The following HERC1 variants were observed in gnomAD, a reference collection of about 807,000 sequenced individuals.
HERC1 encodes the protein probable E3 ubiquitin-protein ligase HERC1.
A neutral mutation model predicts 554.3 loss-of-function variants in HERC1; 160 were observed. The observed-to-expected ratio is 0.29, with a 90% CI of 0.25 to 0.33. HERC1 has a LOEUF of 0.33. Ranked by LOEUF, HERC1 falls within the 10% of genes least tolerant of loss-of-function variation. The pLI is 1.00. For synonymous variants in HERC1, 2,175 were observed against 2,131.7 expected, an observed-to-expected ratio of 1.02 and a Z score of -0.56; for missense variants, 4,919 against 5,918.5, an observed-to-expected ratio of 0.83 and a Z score of 5.54.
rs111747044 is a variant in HERC1 at position 63,691,237 on chromosome 15, G to A, written c.5831-590C>T. Among the ~76,000 whole-genome samples the A allele has an allele frequency of 7.4e-3, 1,128 of 152,180 alleles. 18 individuals are homozygous for A. The highest frequency in any genetic ancestry group is 0.026 in the African/African-American group (1,079 of 41,534). On this transcript the variant is annotated intron_variant, in intron 31 of 77. Transcript: ENST00000443617. ...TCCCAGCACTTTGGGAGGCTGAGGC[G>A]GGCAGATCACTTAAGGCCAGGAGTT... is the stretch of plus-strand genomic sequence containing the variant.
At chr15:63,787,619 G>A (rs2076499742) in intron 1 of HERC1, among the ~76,000 whole-genome samples, 1 of 152,046 alleles carries the variant, frequency 6.6e-6, no homozygotes, top group Non-Finnish European at 1.5e-5. Context: ...CTATTATAGA[G>A]CCAGACTCGG....
At chr15:63,741,330 CTT>C (rs368294960) in intron 12 of HERC1, among the ~76,000 whole-genome samples, 1 of 138,288 alleles carries the variant, frequency 7.2e-6, no homozygotes, top group African/African-American at 2.6e-5. Context: ...CCGGGCCCAT[CTT>C]TTTTTTTTTG....
chr15:63,649,350 T>TCAAAA lies in HERC1; in HGVS notation c.10747+370_10747+374dup, dbSNP rs373139298. On this transcript the variant is annotated intron_variant, in intron 54 of 77. Transcript: ENST00000443617. The stretch of plus-strand genomic sequence containing the variant: ...CCTGGTGACAGAGCGAGACTCCTTC[T>TCAAAA]CAAAACAAAACAAAACAAAACACAC... Among the ~76,000 whole-genome samples, 39 of 152,068 alleles carry TCAAAA rather than the reference T, an allele frequency of 2.6e-4. No homozygotes were observed. The East Asian group carries it at 4.6e-3, about 18-fold the overall frequency.
chr15:63,824,849 A>G (rs1285337581), intron 1 of HERC1, among the ~76,000 whole-genome samples: 1 of 152,132 alleles, frequency 6.6e-6, no homozygotes, highest in Non-Finnish European at 1.5e-5. Context: ...CGTAGGAAAA[A>G]AAAAAAACAC....
intron 2 of HERC1, among the ~76,000 whole-genome samples, chr15:63,769,028 G>A (rs2075869333): frequency 6.6e-6 from 1 of 152,136 alleles, no homozygotes; most frequent in African/African-American, 2.4e-5. Flanking sequence ...CACAAACACT[G>A]TAATGACTGT....
intron 1 of HERC1, among the ~76,000 whole-genome samples, chr15:63,831,038 C>G (rs993723452): frequency 3.3e-5 from 5 of 152,198 alleles, no homozygotes; most frequent in African/African-American, 1.2e-4. Flanking sequence ...ATCTGCAATA[C>G]ATGCTCACAA....
At chr15:63,627,752 A>G (rs745920362) in intron 70 of HERC1, among the ~76,000 whole-genome samples, 2 of 152,164 alleles carry the variant, frequency 1.3e-5, no homozygotes, top group Non-Finnish European at 2.9e-5. Flanking sequence ...TTAAGGTAAC[A>G]GCTACATCTG....
chr15:63,690,300 G>C (rs550498642), intron 32 of HERC1, among the ~76,000 whole-genome samples: 12 of 152,032 alleles, frequency 7.9e-5, no homozygotes, highest in African/African-American at 2.9e-4. Context: ...AGAAATTCCA[G>C]ATTTTTCTTT....
intron 1 of HERC1, among the ~76,000 whole-genome samples, chr15:63,812,507 T>C (rs1319993063): frequency 6.6e-6 from 1 of 152,206 alleles, no homozygotes; most frequent in Admixed American, 6.5e-5. Context: ...AAAGATCTGA[T>C]TCAAAAGGAA....
chr15:63,665,612 T>C (rs1174896278), intron 42 of HERC1, among the ~76,000 whole-genome samples: 1 of 152,250 alleles, frequency 6.6e-6, no homozygotes, highest in Non-Finnish European at 1.5e-5. Flanking sequence ...TTTATATCAC[T>C]TGTACGAGAT....
At chr15:63,729,457 G>A (rs934661145) in intron 15 of HERC1, 40 bp downstream of exon 15, 1 of 1,605,238 alleles carries the variant, frequency 6.2e-7, no homozygotes, top group African/African-American at 1.3e-5. Context: ...GAGTTTCAAG[G>A]TCCCTGATAG....
intron 1 of HERC1, among the ~76,000 whole-genome samples, chr15:63,784,763 G>A (rs1221299489): frequency 2.6e-5 from 4 of 152,010 alleles, no homozygotes; most frequent in Non-Finnish European, 5.9e-5. Context: ...GGCTGCCACC[G>A]CATCCAGCTA....
rs893211674 is a variant in HERC1 at position 63,638,020 on chromosome 15, G to A, written c.12094-377C>T. Among the ~76,000 whole-genome samples the A allele has an allele frequency of 3.9e-5, 6 of 152,248 alleles. No individual in the cohort carries two copies. In the South Asian group the frequency reaches 8.3e-4, roughly 21 times the overall value. ...GAGCAAAAGAGAAAGCAGAGGCCTC[G>A]AGAAGGGTTTGGCGCTATATCGTAC... On this transcript the variant is annotated intron_variant, in intron 63 of 77. Coordinates refer to ENST00000443617, the MANE Select transcript of HERC1 (RefSeq NM_003922.4).
Position 63,625,182 on chromosome 15 carries a change from A to G in HERC1, c.13275+803T>C, listed in dbSNP as rs2068248308. 2.0e-5 allele frequency among the ~76,000 whole-genome samples: 3 copies of G among 152,236 alleles called. No individual in the cohort carries two copies. The South Asian group carries it at 6.2e-4, about 31-fold the overall frequency. On this transcript the variant is annotated intron_variant, in intron 71 of 77. Transcript: ENST00000443617. ...AGCCACTTTGTTACTGGACTAGTCC[A>G]TAAAGATAGACAAATCAGCAAAATT...
intron 25 of HERC1, among the ~76,000 whole-genome samples, chr15:63,704,714 G>T (rs1445174675): frequency 2.0e-5 from 3 of 147,382 alleles, no homozygotes; most frequent in Non-Finnish European, 4.5e-5. Context: ...TAATTTTTTT[G>T]ATAATACAAA....
chr15:63,771,104 G>T (rs2142878647), intron 2 of HERC1, among the ~76,000 whole-genome samples: 1 of 151,960 alleles, frequency 6.6e-6, no homozygotes, highest in Admixed American at 6.5e-5. Flanking sequence ...CACGAGAATA[G>T]CTTGAACCCA....
chr15:63,758,393 A>G lies in HERC1; in HGVS notation c.1027-24T>C. On this transcript the variant is annotated intron_variant, in intron 3 of 77. Coordinates refer to ENST00000443617, the MANE Select transcript of HERC1 (RefSeq NM_003922.4). The surrounding 1 kb of genome is among the most constrained non-coding windows in gnomAD (Gnocchi z 4.0). ...ACCTATTAAAAATTTAAAATATGCA[A>G]CAAATAGTCAAGACAGTTTTAGTCT... is the stretch of plus-strand genomic sequence containing the variant. 6.5e-7 allele frequency: 1 copy of G among 1,533,210 alleles called. No individual in the cohort carries two copies. The highest frequency in any genetic ancestry group is 8.9e-7 in the Non-Finnish European group (1 of 1,120,830). The allele number at this position is 1,533,210 out of a possible 1,614,324, so 95.0% of individuals were successfully genotyped here. A position where few individuals can be genotyped will look rare whatever the true frequency, so the allele number is the denominator to read the frequency against.
chr15:63,725,248 T>C (rs1169720078), intron 18 of HERC1, 44 bp downstream of exon 18: 14 of 1,527,940 alleles, frequency 9.2e-6, no homozygotes, highest in Non-Finnish European at 1.3e-5. Context: ...CCAACTGAGG[T>C]ACAAACAGGC....
intron 1 of HERC1, among the ~76,000 whole-genome samples, chr15:63,815,949 T>A (rs926548308): frequency 1.3e-5 from 2 of 152,204 alleles, no homozygotes; most frequent in East Asian, 3.9e-4. Context: ...CCATCAGATC[T>A]CATGAGAACT....
Sources: allele counts gnomAD v4.1 joint callset (sites outside exome capture counted in the v4.1 genomes callset), GRCh38; gene constraint gnomAD v4.1.1; non-coding constraint Gnocchi (gnomAD v3.1); transcripts MANE v1.5; gene names NCBI Gene and HGNC (gene_info 2026-07-23, HGNC 2026-07-21).